The following AKR1C1 variants were observed in gnomAD, a reference collection of about 807,000 sequenced individuals.
AKR1C1 encodes the protein 20 alpha-hydroxysteroid dehydrogenase.
A neutral mutation model predicts 40.6 loss-of-function variants in AKR1C1; 32 were observed. The observed-to-expected ratio is 0.79, with a 90% CI of 0.60 to 1.06. The LOEUF (loss-of-function observed/expected upper bound fraction) is 1.06, where lower values mean the gene tolerates loss of function less well. AKR1C1 is among the 50% of genes least tolerant of loss of function. The pLI is 0.00. For synonymous variants in AKR1C1, 105 were observed against 134.2 expected, an observed-to-expected ratio of 0.78 and a Z score of 1.50; for missense variants, 320 against 363.5, an observed-to-expected ratio of 0.88 and a Z score of 0.97.
rs1399223437 is a variant in AKR1C1 at position 4,981,927 on chromosome 10, C to T, written c.*4185C>T. ...CTGAGGCTGGTCAGAGTTCTGTGCG[C>T]AGACTGCCTGGATGTAAACCTGGCA... On this transcript the variant is annotated 3_prime_UTR_variant, in exon 9 of 9. Coordinates refer to ENST00000380872, the MANE Select transcript of AKR1C1 (RefSeq NM_001353.6). 3.3e-5 allele frequency: 5 copies of T among 152,218 alleles called. No individual in the cohort carries two copies. Among genetic ancestry groups the T allele is most frequent in the Admixed American group, 3.3e-4 (5 of 15,288 alleles). 9.4% of individuals were successfully genotyped at this position (152,218 alleles called of 1,614,324 possible).
rs1332602831 is a variant in AKR1C1 at position 4,982,881 on chromosome 10, C to A, written c.*5139C>A. 1.4e-5 allele frequency: 6 copies of A among 432,628 alleles called. No individual in the cohort carries two copies. The highest frequency in any genetic ancestry group is 1.0e-4 in the South Asian group (6 of 59,954). The allele number at this position is 432,628 out of a possible 1,614,324, so 26.8% of individuals were successfully genotyped here. ...TCAGCTGTTACCACTGCGTACCACA[C>A]CCTGACCAGTCAGAGGTCTTGAGTC... is the stretch of plus-strand genomic sequence containing the variant. On this transcript the variant is annotated 3_prime_UTR_variant, in exon 9 of 9. Transcript: ENST00000380872.
At chr10:4,970,770 T>A (rs1378918632) in intron 5 of AKR1C1, among the ~76,000 whole-genome samples, 5 of 126,016 alleles carry the variant, frequency 4.0e-5, no homozygotes, top group African/African-American at 1.5e-4. Flanking sequence ...TGAGATCACA[T>A]GGATACAGGA....
intron 1 of AKR1C1, among the ~76,000 whole-genome samples, chr10:4,964,897 C>A (rs1305644847): frequency 1.3e-5 from 2 of 152,156 alleles, no homozygotes; most frequent in Admixed American, 6.5e-5. Flanking sequence ...CCCATATAAA[C>A]CTGCTGGTAT....
chr10:4,970,132 A>G (rs1478275380), intron 5 of AKR1C1, among the ~76,000 whole-genome samples: 1 of 152,120 alleles, frequency 6.6e-6, no homozygotes, highest in Admixed American at 6.5e-5. Flanking sequence ...TTCAAGGTAA[A>G]TTGTAAAGAT....
rs1197715914 is a variant in AKR1C1 at position 4,965,970 on chromosome 10, C to T, written c.141C>T (p.Arg47=). The T allele has an allele frequency of 1.2e-6, 2 of 1,614,078 alleles. No homozygotes were observed. Among genetic ancestry groups the T allele is most frequent in the Non-Finnish European group, 1.7e-6 (2 of 1,180,038 alleles). ...AATTGGCAATTGAAGCTGGCTTCCGCCATATTGATTCTGCTCATTTATACA... is the reference window on the plus strand; with the variant it reads ...AATTGGCAATTGAAGCTGGCTTCCGTCATATTGATTCTGCTCATTTATACA... The part of the protein sequence containing the change: ...ATKLAIEAGF[R]HIDSAHLYNN... The change falls in exon 2 of 9, where the codon CGC becomes CGT. Residue 47 remains arginine, a synonymous_variant. Transcript: ENST00000380872.
At chr10:4,964,306 A>G (rs1013943840) in intron 1 of AKR1C1, among the ~76,000 whole-genome samples, 1 of 152,214 alleles carries the variant, frequency 6.6e-6, no homozygotes, top group African/African-American at 2.4e-5. Flanking sequence ...TGGGTTTCAC[A>G]TTTCTGATCT....
Position 4,971,425 on chromosome 10 carries a change from A to G in AKR1C1, c.571-776A>G, listed in dbSNP as rs1438376230. On this transcript the variant is annotated intron_variant, in intron 5 of 8. Transcript: ENST00000380872. ...TTCTCATTGTCGCACTAATTACTAC[A>G]GACTCACGGATTCTTGTGTTATGAT... 2.0e-5 allele frequency among the ~76,000 whole-genome samples: 3 copies of G among 150,824 alleles called. No homozygotes were observed. In the South Asian group the frequency reaches 6.2e-4, roughly 31 times the overall value.
At position 4,979,237 on chromosome 10, in the gene AKR1C1, TTC is replaced by T. The variant is rs1287446138; in HGVS notation, c.*1497_*1498del. On this transcript the variant is annotated 3_prime_UTR_variant, in exon 9 of 9. Coordinates refer to ENST00000380872, the MANE Select transcript of AKR1C1 (RefSeq NM_001353.6). ...CCAATTTTTTGGATTATTTTTCGTCTTCTATCATTCCGCTGATCTTAGATATT... is the reference window on the plus strand; with the variant it reads ...CCAATTTTTTGGATTATTTTTCGTCTTATCATTCCGCTGATCTTAGATATT... 2 of 152,178 alleles carry T rather than the reference TTC, an allele frequency of 1.3e-5. No homozygotes were observed. The highest frequency in any genetic ancestry group is 4.8e-5 in the African/African-American group (2 of 41,418). The allele number at this position is 152,178 out of a possible 1,614,324, so 9.4% of individuals were successfully genotyped here. A position where few individuals can be genotyped will look rare whatever the true frequency, so the allele number is the denominator to read the frequency against.
chr10:4,973,216 G>A (rs1836467163), intron 7 of AKR1C1, among the ~76,000 whole-genome samples: 1 of 150,986 alleles, frequency 6.6e-6, no homozygotes, highest in Non-Finnish European at 1.5e-5. Flanking sequence ...ATGTGTAGGA[G>A]ACCATATTTA....
intron 8 of AKR1C1, among the ~76,000 whole-genome samples, chr10:4,976,186 A>G (rs555995513): frequency 6.6e-6 from 1 of 151,980 alleles, no homozygotes; most frequent in African/African-American, 2.4e-5. Context: ...AGCAGCCAAG[A>G]TCATTGCTGA....
chr10:4,976,683 G>A (rs1836530524), intron 8 of AKR1C1, among the ~76,000 whole-genome samples: 1 of 152,092 alleles, frequency 6.6e-6, no homozygotes, highest in Admixed American at 6.5e-5. Context: ...GTGTTCTAAG[G>A]TTCTAGGATT....
rs781941693 is a variant in AKR1C1 at position 4,981,352 on chromosome 10, A to G, written c.*3610A>G. On this transcript the variant is annotated 3_prime_UTR_variant, in exon 9 of 9. Transcript: ENST00000380872. ...ATCTCTACAAGAAATAATTTTAAAAACTACTCAAAGAAATCAGAGATATCA... is the reference window on the plus strand; with the variant it reads ...ATCTCTACAAGAAATAATTTTAAAAGCTACTCAAAGAAATCAGAGATATCA... 1.3e-5 allele frequency: 2 copies of G among 152,198 alleles called. No individual in the cohort carries two copies. The highest frequency in any genetic ancestry group is 4.8e-5 in the African/African-American group (2 of 41,434). 9.4% of individuals were successfully genotyped at this position (152,198 alleles called of 1,614,324 possible).
rs534435907 is a variant in AKR1C1, at chr10:4,973,922, T to C, written c.846+1173T>C. Among the ~76,000 whole-genome samples the C allele has an allele frequency of 6.5e-3, 894 of 137,606 alleles. 36 individuals carry two copies. The highest frequency in any genetic ancestry group is 2.2e-3 in the Non-Finnish European group (140 of 63,442). The allele number at this position is 137,606 out of a possible 152,430, so 90.3% of individuals were successfully genotyped here. A position where few individuals can be genotyped will look rare whatever the true frequency, so the allele number is the denominator to read the frequency against. On this transcript the variant is annotated intron_variant, in intron 7 of 8. Transcript: ENST00000380872. ...ATATACAGATATATGAAATATCATA[T>C]ATGATATATATTATAAAACCTATGT...
chr10:4,975,471 T>C (rs1317317066), intron 7 of AKR1C1, among the ~76,000 whole-genome samples: 2 of 152,216 alleles, frequency 1.3e-5, no homozygotes, highest in African/African-American at 4.8e-5. Context: ...GAGATAGATA[T>C]TCAATGTTAT....
Position 4,978,897 on chromosome 10 carries a change from C to A in AKR1C1, c.*1155C>A, listed in dbSNP as rs1235564557. On this transcript the variant is annotated 3_prime_UTR_variant, in exon 9 of 9. Transcript: ENST00000380872. ...ATTCTTATACATAATTTTCAGGGGACCTAAGTTAATCAGCTAATCATGAAG... is the reference window on the plus strand; with the variant it reads ...ATTCTTATACATAATTTTCAGGGGAACTAAGTTAATCAGCTAATCATGAAG... The A allele has an allele frequency of 2.5e-4, 38 of 152,236 alleles. No individual in the cohort carries two copies. The highest frequency in any genetic ancestry group is 9.2e-4 in the Admixed American group (14 of 15,290). The allele number at this position is 152,236 out of a possible 1,614,324, so 9.4% of individuals were successfully genotyped here.
chr10:4,968,792 C>T (rs1392239844), intron 4 of AKR1C1, 30 bp from the exon 5 acceptor site: 12 of 1,612,552 alleles, frequency 7.4e-6, no homozygotes, highest in African/African-American at 6.7e-5. Flanking sequence ...TTATCTTGAT[C>T]TTCCACACCT....
At chr10:4,965,670 T>G in intron 1 of AKR1C1, 1 of 413,080 alleles carries the variant, frequency 2.4e-6, no homozygotes, top group Non-Finnish European at 4.3e-6. Context: ...TGAAATTGTT[T>G]TGGGGACACT....
rs781953955 is a variant in AKR1C1 at position 4,972,314 on chromosome 10, A to C, written c.680+4A>C. On this transcript the variant is annotated splice_donor_region_variant and intron_variant, in intron 6 of 8. Coordinates refer to ENST00000380872, the MANE Select transcript of AKR1C1 (RefSeq NM_001353.6). ...GATCCCACCGAGAAGAACCATGGTA[A>C]TAAGAGATACAGGAAGTTTACCTAA... 5.0e-6 allele frequency: 8 copies of C among 1,612,270 alleles called. No homozygotes were observed. The highest frequency in any genetic ancestry group is 6.8e-6 in the Non-Finnish European group (8 of 1,179,712).
At chr10:4,974,415 C>G (rs1831992512) in intron 7 of AKR1C1, among the ~76,000 whole-genome samples, 1 of 151,948 alleles carries the variant, frequency 6.6e-6, no homozygotes, top group African/African-American at 2.4e-5. Flanking sequence ...TATGTTTTCA[C>G]AAACAAAAGT....
Sources: allele counts gnomAD v4.1 joint callset (sites outside exome capture counted in the v4.1 genomes callset), GRCh38; gene constraint gnomAD v4.1.1; transcripts MANE v1.5; gene names NCBI Gene and HGNC (gene_info 2026-07-23, HGNC 2026-07-21).